The following TSPEAR variants were observed in gnomAD, a reference collection of about 807,000 sequenced individuals.
TSPEAR encodes the protein thrombospondin-type laminin G domain and EAR repeat-containing protein.
In TSPEAR, 69 loss-of-function variants were observed where a neutral mutation model predicts 71.6. That is an observed-to-expected ratio of 0.96 (90% CI 0.79 to 1.18). The LOEUF is 1.18. TSPEAR is among the 50% of genes most tolerant of loss of function. The pLI is 0.00. For synonymous variants in TSPEAR, 402 were observed against 387.2 expected (o/e 1.04, Z -0.45); for missense variants, 971 against 894.9 (o/e 1.09, Z -1.09).
At chr21:44,592,637 T>C in intron 1 of TSPEAR, 2 of 1,229,672 alleles carry the variant, frequency 1.6e-6, no homozygotes, top group East Asian at 2.5e-5. Flanking sequence ...GGGGTGTTTG[T>C]TCGCCCGTGA....
intron 10 of TSPEAR, among the ~76,000 whole-genome samples, chr21:44,505,560 TCCCCCCTCCCCCC>T (rs2052174977): frequency 8.6e-5 from 1 of 11,646 alleles, no homozygotes; most frequent in African/African-American, 2.0e-4. Flanking sequence ...CATCACCCCC[TCCCCCCTCCCCCC>T]CCCCCCCCCC....
At chr21:44,578,960 A>G (rs151249231) in intron 1 of TSPEAR, among the ~76,000 whole-genome samples, 6 of 152,254 alleles carry the variant, frequency 3.9e-5, no homozygotes, top group Non-Finnish European at 8.8e-5. Flanking sequence ...AATCATGTGC[A>G]TCCATCCACC....
chr21:44,530,744 C>T (rs1555915648), intron 4 of TSPEAR, among the ~76,000 whole-genome samples: 1 of 152,172 alleles, frequency 6.6e-6, no homozygotes, highest in Admixed American at 6.5e-5. Flanking sequence ...AGCAGCAGGC[C>T]CTACTGAGGA....
rs1555914861 is a variant in TSPEAR at position 44,525,745 on chromosome 21, G to C, written c.1244C>G (p.Pro415Arg). Residue 415 changes from proline (P) to arginine (R), a missense_variant, in exon 8 of 12, where the codon CCA (proline) becomes CGA (arginine). Coordinates refer to ENST00000323084, the MANE Select transcript of TSPEAR (RefSeq NM_144991.3). ...GCTGTGTGTGGCAATGCTCTGATATGGGGTAAACTTCAGCTTTCTGTGGCT... is the reference window on the plus strand; with the variant it reads ...GCTGTGTGTGGCAATGCTCTGATATCGGGTAAACTTCAGCTTTCTGTGGCT... The part of the protein sequence containing the change: ...KWSHRKLKFT[P>R]YQSIATHSAR... 1.2e-6 allele frequency: 2 copies of C among 1,614,144 alleles called. No individual in the cohort carries two copies. The highest frequency in any genetic ancestry group is 3.3e-5 in the Admixed American group (2 of 60,034).
chr21:44,566,048 T>C (rs1218380865), intron 2 of TSPEAR, among the ~76,000 whole-genome samples: 1 of 152,058 alleles, frequency 6.6e-6, no homozygotes, highest in African/African-American at 2.4e-5. Flanking sequence ...GGCATGGTAG[T>C]GTACACCTGT....
At position 44,539,463 on chromosome 21, in the gene TSPEAR, AGG is replaced by A. The variant is rs1555916838; in HGVS notation, c.304-5542_304-5541del. ...GGGCGGCAGAGGAGGGACACGGAGG[AGG>A]AGGGTCTGCAGCAGGAGGTGGTGCA... On this transcript the variant is annotated intron_variant, in intron 2 of 11. Transcript: ENST00000323084. 1.4e-5 allele frequency: 22 copies of A among 1,613,614 alleles called. No homozygotes were observed. In the African/African-American group the frequency reaches 2.7e-4, roughly 20 times the overall value.
rs1434097862 is a variant in TSPEAR at position 44,642,915 on chromosome 21, T to A, written c.82+68518A>T. ...GATGAGCAATCCCACTTCTGTGTAT[T>A]TAAACAAGACAAATTAAAGCCAGAG... On this transcript the variant is annotated intron_variant, in intron 1 of 11. Transcript: ENST00000323084. This position sits in a 1 kb window ranked among gnomAD's most constrained non-coding sequence, Gnocchi z 4.1. Among the ~76,000 whole-genome samples the A allele has an allele frequency of 2.0e-5, 3 of 152,138 alleles. No homozygotes were observed. The highest frequency in any genetic ancestry group is 7.2e-5 in the African/African-American group (3 of 41,442).
chr21:44,684,971 G>C (rs1282732326), intron 1 of TSPEAR, among the ~76,000 whole-genome samples: 1 of 152,232 alleles, frequency 6.6e-6, no homozygotes. Context: ...GCCTGTGACA[G>C]GGCTGAACTT....
In TSPEAR at chr21:44,637,503, C is replaced by G. The variant is rs1983677273; in HGVS notation, c.83-69498G>C. 1 of 1,613,258 alleles carries G rather than the reference C, an allele frequency of 6.2e-7. No homozygotes were observed. The highest frequency in any genetic ancestry group is 8.5e-7 in the Non-Finnish European group (1 of 1,179,718). On this transcript the variant is annotated intron_variant, in intron 1 of 11. Coordinates refer to ENST00000323084, the MANE Select transcript of TSPEAR (RefSeq NM_144991.3). ...GACTGCCCAGAGAGCTGCTGCGAGC[C>G]CTGCTGCTGTGCCCCAGCCCCCAGC...
chr21:44,580,240 C>T (rs879963618), intron 1 of TSPEAR: 2 of 1,610,166 alleles, frequency 1.2e-6, no homozygotes, highest in Non-Finnish European at 8.5e-7. Flanking sequence ...GGCAGCTAGA[C>T]TGCTGGCAGC....
Position 44,711,317 on chromosome 21 carries a change from A to C in TSPEAR, c.82+116T>G. On this transcript the variant is annotated intron_variant, in intron 1 of 11. Coordinates refer to ENST00000323084, the MANE Select transcript of TSPEAR (RefSeq NM_144991.3). The surrounding 1 kb of genome is among the most constrained non-coding windows in gnomAD (Gnocchi z 4.5). ...GGGTGCTACCTGCCAGTCCTGCCAA[A>C]GCGTCCTCGGGCACCGCGGCTTGAA... The C allele has an allele frequency of 1.0e-6, 1 of 956,816 alleles. No homozygotes were observed. The highest frequency in any genetic ancestry group is 1.6e-6 in the Non-Finnish European group (1 of 633,750). The allele number at this position is 956,816 out of a possible 1,614,324, so 59.3% of individuals were successfully genotyped here.
intron 10 of TSPEAR, chr21:44,508,312 ATGTGTTGTTG>A (rs746912762): frequency 2.0e-5 from 4 of 200,602 alleles, no homozygotes; most frequent in Non-Finnish European, 3.7e-5. Context: ...GTCTAAAGGT[ATGTGTTGTTG>A]TGTGTCTCAA....
Position 44,499,632 on chromosome 21 carries a change from A to G in TSPEAR, c.*151T>C. 1 of 738,344 alleles carries G rather than the reference A, an allele frequency of 1.4e-6. No homozygotes were observed. The highest frequency in any genetic ancestry group is 2.1e-6 in the Non-Finnish European group (1 of 481,476). 45.7% of individuals were successfully genotyped at this position (738,344 alleles called of 1,614,324 possible). Reference sequence around the variant, plus strand: ...GTGGATGGATGTCCCTGCCCGAACCAGGGCCGCAGATGGCCCCACCTGCAC... The same window carrying G: ...GTGGATGGATGTCCCTGCCCGAACCGGGGCCGCAGATGGCCCCACCTGCAC... On this transcript the variant is annotated 3_prime_UTR_variant, in exon 12 of 12. Coordinates refer to ENST00000323084, the MANE Select transcript of TSPEAR (RefSeq NM_144991.3).
intron 9 of TSPEAR, among the ~76,000 whole-genome samples, chr21:44,515,083 TTTCAAAGCATCTCGGCTTCACCCGC>T (rs2052520470): frequency 6.6e-6 from 1 of 152,078 alleles, no homozygotes; most frequent in Non-Finnish European, 1.5e-5. Context: ...ACACACCCAC[TTTCAAAGCATCTCGGCTTCACCCGC>T]TTCAAAGCTC....
At position 44,508,953 on chromosome 21, in the gene TSPEAR, C is replaced by G. The variant is rs1255806957; in HGVS notation, c.1754+246G>C. Reference sequence around the variant, plus strand: ...AGGTAATGGGTGTGAAGGGGCAGAACTCCGCACACAGCACCCGGCTCTGGG... The same window carrying G: ...AGGTAATGGGTGTGAAGGGGCAGAAGTCCGCACACAGCACCCGGCTCTGGG... On this transcript the variant is annotated intron_variant, in intron 10 of 11. Coordinates refer to ENST00000323084, the MANE Select transcript of TSPEAR (RefSeq NM_144991.3). The G allele has an allele frequency of 6.5e-6, 10 of 1,538,702 alleles. No individual in the cohort carries two copies. In the African/African-American group the frequency reaches 6.8e-5, roughly 11 times the overall value.
intron 1 of TSPEAR, chr21:44,575,255 G>A: frequency 3.5e-6 from 2 of 579,378 alleles, no homozygotes; most frequent in Non-Finnish European, 6.3e-6. Context: ...CACCTCTCAT[G>A]AGGGTCAGTT....
At chr21:44,673,350 AAGC>A (rs1986150611) in intron 1 of TSPEAR, among the ~76,000 whole-genome samples, 1 of 152,218 alleles carries the variant, frequency 6.6e-6, no homozygotes, top group African/African-American at 2.4e-5. Context: ...GGACAATCAA[AAGC>A]TGAGGGTATT....
At chr21:44,600,778 C>A in intron 1 of TSPEAR, 1 of 1,588,322 alleles carries the variant, frequency 6.3e-7, no homozygotes, top group Non-Finnish European at 8.5e-7. Flanking sequence ...GGCCCCCTGC[C>A]TGAGCCTGGT....
At chr21:44,702,638 G>A (rs1987711907) in intron 1 of TSPEAR, 1 of 1,591,110 alleles carries the variant, frequency 6.3e-7, no homozygotes. Context: ...CACCCTGTGT[G>A]CAGGCCCACC....
Sources: allele counts gnomAD v4.1 joint callset (sites outside exome capture counted in the v4.1 genomes callset), GRCh38; gene constraint gnomAD v4.1.1; non-coding constraint Gnocchi (gnomAD v3.1); transcripts MANE v1.5; gene names NCBI Gene and HGNC (gene_info 2026-07-23, HGNC 2026-07-21).